KRABD5: variants seen among roughly 807,000 people sequenced by gnomAD.
The protein encoded by KRABD5 is KRAB domain containing 5, also known as KRAB domain-containing protein 5.
chr16:31,735,404 T>G, the KRABD5 span, among the ~76,000 whole-genome samples: 1 of 152,218 alleles, frequency 6.6e-6, no homozygotes, highest in East Asian at 1.9e-4. Context: ...GACACGTTGA[T>G]TTCCTTTCTT....
At chr16:31,741,577 CG>C in the KRABD5 span, among the ~76,000 whole-genome samples, 1 of 151,980 alleles carries the variant, frequency 6.6e-6, no homozygotes, top group African/African-American at 2.4e-5. Flanking sequence ...AACATTTTTT[CG>C]TATGCTTGAT....
the KRABD5 span, among the ~76,000 whole-genome samples, chr16:31,742,101 G>T: frequency 6.6e-6 from 1 of 151,704 alleles, no homozygotes; most frequent in Non-Finnish European, 1.5e-5. Context: ...GATTGTAAGT[G>T]TGTGCCTCTA....
chr16:31,735,038 T>A, the KRABD5 span, among the ~76,000 whole-genome samples: 1 of 152,096 alleles, frequency 6.6e-6, no homozygotes, highest in Non-Finnish European at 1.5e-5. Flanking sequence ...TGTGAGCCAC[T>A]GTGCCCTGCC....
At chr16:31,740,078 G>A in the KRABD5 span, among the ~76,000 whole-genome samples, 1 of 151,950 alleles carries the variant, frequency 6.6e-6, no homozygotes, top group East Asian at 1.9e-4. Context: ...ATAAATATGT[G>A]GGTAAATCTC....
At chr16:31,757,669 A>G in the KRABD5 span, 2 of 152,200 alleles carry the variant, frequency 1.3e-5, no homozygotes, top group African/African-American at 4.8e-5. Context: ...TTTACATGTT[A>G]TTATATAATA....
the KRABD5 span, among the ~76,000 whole-genome samples, chr16:31,751,944 G>T: frequency 1.3e-5 from 2 of 152,086 alleles, no homozygotes; most frequent in Non-Finnish European, 2.9e-5. Context: ...AAAGATTTTG[G>T]TATGTGTTTT....
the KRABD5 span, among the ~76,000 whole-genome samples, chr16:31,732,335 A>G: frequency 1.3e-5 from 2 of 152,204 alleles, no homozygotes; most frequent in African/African-American, 4.8e-5. Context: ...TTATGTTTCT[A>G]ATCTTGTATG....
the KRABD5 span, among the ~76,000 whole-genome samples, chr16:31,749,705 C>T: frequency 3.9e-5 from 6 of 152,198 alleles, no homozygotes; most frequent in African/African-American, 1.4e-4. Flanking sequence ...GCTCTCCTCC[C>T]CTGTGTGGCT....
At chr16:31,713,803 C>A in the KRABD5 span, among the ~76,000 whole-genome samples, 2 of 152,144 alleles carry the variant, frequency 1.3e-5, no homozygotes, top group Non-Finnish European at 1.5e-5. Flanking sequence ...TTTCCTCTTA[C>A]AAATTAAGGG....
At chr16:31,713,607 C>A in the KRABD5 span, 1 of 958,012 alleles carries the variant, frequency 1.0e-6, no homozygotes, top group Non-Finnish European at 1.5e-6. Flanking sequence ...CGGGACCCCG[C>A]GCGTCCGGTC....
chr16:31,751,040 G>A, the KRABD5 span, among the ~76,000 whole-genome samples: 4 of 152,220 alleles, frequency 2.6e-5, no homozygotes, highest in Non-Finnish European at 5.9e-5. Context: ...GATTACAGGT[G>A]TGAGCCACTG....
the KRABD5 span, among the ~76,000 whole-genome samples, chr16:31,724,409 C>T: frequency 5.3e-5 from 8 of 152,086 alleles, no homozygotes; most frequent in Admixed American, 2.0e-4. Flanking sequence ...TACTGTGGGC[C>T]GGGCGCGGTG....
At chr16:31,749,598 C>A in the KRABD5 span, among the ~76,000 whole-genome samples, 1 of 152,338 alleles carries the variant, frequency 6.6e-6, no homozygotes, top group East Asian at 1.9e-4. Context: ...CGAATGGGAT[C>A]TTCCGATCCG....
chr16:31,729,455 G>A, the KRABD5 span, among the ~76,000 whole-genome samples: 552 of 152,250 alleles, frequency 3.6e-3, 6 homozygotes, highest in African/African-American at 0.012. Flanking sequence ...TATAACAAAC[G>A]CACACTTGTG....
At chr16:31,741,379 C>T in the KRABD5 span, among the ~76,000 whole-genome samples, 1 of 152,160 alleles carries the variant, frequency 6.6e-6, no homozygotes, top group African/African-American at 2.4e-5. Flanking sequence ...TCAGAAATCT[C>T]CAAACTGTTT....
the KRABD5 span, among the ~76,000 whole-genome samples, chr16:31,749,930 T>C: frequency 6.6e-6 from 1 of 152,254 alleles, no homozygotes; most frequent in African/African-American, 2.4e-5. Context: ...CATGCTGTTT[T>C]GGTGACTGTA....
chr16:31,758,110 G>A, the KRABD5 span: 1 of 152,104 alleles, frequency 6.6e-6, no homozygotes, highest in Non-Finnish European at 1.5e-5. Flanking sequence ...AAGGGTTGAA[G>A]TTAGAAAATA....
At chr16:31,736,107 T>C in the KRABD5 span, among the ~76,000 whole-genome samples, 1,505 of 152,310 alleles carry the variant, frequency 9.9e-3, 109 homozygotes, top group East Asian at 0.2. Flanking sequence ...AGTCTTATTC[T>C]TCTGTATATG....
the KRABD5 span, among the ~76,000 whole-genome samples, chr16:31,738,495 T>G: frequency 6.6e-6 from 1 of 152,160 alleles, no homozygotes; most frequent in Non-Finnish European, 1.5e-5. Context: ...TAACATGTAT[T>G]TTAACTAATA....
Sources: allele counts gnomAD v4.1 joint callset (sites outside exome capture counted in the v4.1 genomes callset), GRCh38; gene constraint gnomAD v4.1.1; transcripts MANE v1.5; gene names NCBI Gene and HGNC (gene_info 2026-07-23, HGNC 2026-07-21).